DNAH12: variants seen among roughly 807,000 people sequenced by gnomAD.
The protein encoded by DNAH12 is axonemal beta dynein heavy chain 12.
DNAH12 carries 285 observed loss-of-function variants against 371.5 expected under a neutral mutation model. That is an observed-to-expected ratio of 0.77 (90% confidence interval 0.70 to 0.85). DNAH12 has a LOEUF of 0.85. Ranked by LOEUF, DNAH12 falls within the 40% of genes least tolerant of loss-of-function variation. The probability of loss-of-function intolerance (pLI) is 0.00; values close to 1 mark genes in which losing one functional copy is unlikely to be tolerated. For missense variants in DNAH12, 3,611 were observed against 3,689.4 expected (o/e 0.98, Z 0.55); for synonymous variants, 1,200 against 1,213.0 (o/e 0.99, Z 0.22).
At chr3:57,502,739 G>T (rs1025170286) in intron 9 of DNAH12, among the ~76,000 whole-genome samples, 1 of 152,082 alleles carries the variant, frequency 6.6e-6, no homozygotes, top group Non-Finnish European at 1.5e-5. Flanking sequence ...TAGAGACGGG[G>T]TTTCACCATG....
intron 11 of DNAH12, among the ~76,000 whole-genome samples, chr3:57,495,124 A>T (rs1324827861): frequency 6.6e-6 from 1 of 152,234 alleles, no homozygotes; most frequent in African/African-American, 2.4e-5. Flanking sequence ...AGAGTACCAA[A>T]ATATGTGAAA....
intron 62 of DNAH12, among the ~76,000 whole-genome samples, chr3:57,329,791 G>T (rs2062047208): frequency 6.6e-6 from 1 of 152,014 alleles, no homozygotes; most frequent in African/African-American, 2.4e-5. Context: ...CAAAATGGGA[G>T]AAAATTTTCG....
intron 72 of DNAH12, 28 bp from the exon 73 acceptor site, chr3:57,295,620 T>C (rs1160618760): frequency 1.3e-6 from 2 of 1,514,882 alleles, no homozygotes; most frequent in Non-Finnish European, 1.8e-6. Context: ...CAGAAATTAT[T>C]AGAAATAACA....
At chr3:57,474,745 T>A (rs1219101647) in intron 13 of DNAH12, among the ~76,000 whole-genome samples, 1 of 152,010 alleles carries the variant, frequency 6.6e-6, no homozygotes, top group Non-Finnish European at 1.5e-5. Flanking sequence ...GATCATGAGG[T>A]CAAGAGATGG....
rs1167877514 is a variant in DNAH12, at chr3:57,382,358, A to C, written c.7896T>G (p.Asn2632Lys). 1 of 152,168 alleles carries C rather than the reference A, an allele frequency of 6.6e-6. No individual in the cohort carries two copies. Among genetic ancestry groups the C allele is most frequent in the Non-Finnish European group, 1.5e-5 (1 of 68,028 alleles). The allele number at this position is 152,168 out of a possible 1,614,324, so 9.4% of individuals were successfully genotyped here. The change falls in exon 50 of 74, where the codon AAT becomes AAG. Residue 2632 changes from asparagine to lysine, a missense_variant. Physicochemically the swap from Asn to Lys is moderately conservative, Grantham distance 94. Around this residue, in one of 3 missense-constraint regions of DNAH12, gnomAD observed 2,266 missense variants for 2,236.9 expected, o/e 1.01. Coordinates refer to ENST00000495027, the MANE Select transcript of DNAH12 (RefSeq NM_001366028.2). ...ADITIVKSMK[N>K]PPSGVKLVMA... ...TAACTAGTTTAACACCAGATGGAGG[A>C]TTCTTCATTGATTTCACAATCGTAA...
chr3:57,425,236 G>T, intron 34 of DNAH12, 95 bp from the exon 35 acceptor site: 1 of 631,746 alleles, frequency 1.6e-6, no homozygotes, highest in South Asian at 1.9e-5. Flanking sequence ...AAGCATACAT[G>T]GTTTTAATAA....
chr3:57,341,247 C>T (rs1358396118), intron 60 of DNAH12, among the ~76,000 whole-genome samples: 2 of 151,942 alleles, frequency 1.3e-5, no homozygotes, highest in Non-Finnish European at 2.9e-5. Context: ...AAAGTCTTAG[C>T]CAGAGCAATT....
intron 73 of DNAH12, 88 bp from the exon 74 acceptor site, chr3:57,294,059 G>A: frequency 8.6e-7 from 1 of 1,156,452 alleles, no homozygotes; most frequent in African/African-American, 1.6e-5. Context: ...TAATAAAATG[G>A]CCAGAACTAA....
chr3:57,502,596 T>G lies in DNAH12; in HGVS notation c.1087-117A>C, dbSNP rs531975533. On this transcript the variant is annotated intron_variant, in intron 9 of 73. Coordinates refer to ENST00000495027, the MANE Select transcript of DNAH12 (RefSeq NM_001366028.2). Reference sequence around the variant, plus strand: ...ACGGAGTCTTGCTCTATCACCCAGGTTGGAGCGCATTGGTGCGATCTCGGC... The same window carrying G: ...ACGGAGTCTTGCTCTATCACCCAGGGTGGAGCGCATTGGTGCGATCTCGGC... The G allele has an allele frequency of 8.5e-6, 9 of 1,057,090 alleles. No individual in the cohort carries two copies. In the African/African-American group the frequency reaches 1.4e-4, roughly 17 times the overall value. 65.5% of individuals were successfully genotyped at this position (1,057,090 alleles called of 1,614,324 possible). A position where few individuals can be genotyped will look rare whatever the true frequency, so the allele number is the denominator to read the frequency against.
chr3:57,451,712 C>T (rs571239264), intron 25 of DNAH12, among the ~76,000 whole-genome samples: 24 of 152,232 alleles, frequency 1.6e-4, no homozygotes, highest in African/African-American at 5.5e-4. Flanking sequence ...CCGGAGAGCG[C>T]GCCTCACCCC....
chr3:57,449,504 TA>T (rs2065674281), intron 25 of DNAH12, among the ~76,000 whole-genome samples: 1 of 152,204 alleles, frequency 6.6e-6, no homozygotes, highest in South Asian at 2.1e-4. Context: ...GGAAGGCAGC[TA>T]AGGCCCGGTG....
intron 60 of DNAH12, among the ~76,000 whole-genome samples, chr3:57,350,496 G>T (rs115960083): frequency 0.014 from 2,113 of 152,206 alleles, 35 homozygotes; most frequent in African/African-American, 0.049. Flanking sequence ...TGTAAAATTT[G>T]ACATTTCCTT....
intron 71 of DNAH12, 38 bp from the exon 72 acceptor site, chr3:57,296,473 A>G (rs1448806423): frequency 1.4e-6 from 2 of 1,439,530 alleles, no homozygotes; most frequent in African/African-American, 2.8e-5. Context: ...GATCCTCTCC[A>G]GACAACTTCA....
chr3:57,424,853 T>C (rs1046034504), intron 35 of DNAH12, among the ~76,000 whole-genome samples, 169 bp downstream of exon 35: 34 of 152,204 alleles, frequency 2.2e-4, no homozygotes, highest in Non-Finnish European at 4.0e-4. Context: ...TAAAGTGTTT[T>C]TTATTATCAG....
In DNAH12 at chr3:57,468,933, C is replaced by T. The variant is rs2066283096; in HGVS notation, c.2152G>A (p.Ala718Thr). Residue 718 changes from alanine (A) to threonine (T), a missense_variant, in exon 17 of 74, where the codon GCT (alanine) becomes ACT (threonine). By Grantham distance (58) the Ala-to-Thr change is moderately conservative. Coordinates refer to ENST00000495027, the MANE Select transcript of DNAH12 (RefSeq NM_001366028.2). ...TCTCGGGAAAACTCTTCCACATCAG[C>T]CTCCATGCTTTCCCCATTGAGGTCC... ...FLDLNGESME[A>T]DVEEFSREIF... 2.0e-6 allele frequency: 3 copies of T among 1,514,122 alleles called. No individual in the cohort carries two copies. The highest frequency in any genetic ancestry group is 2.9e-5 in the African/African-American group (2 of 69,922). The allele number at this position is 1,514,122 out of a possible 1,614,324, so 93.8% of individuals were successfully genotyped here. A position where few individuals can be genotyped will look rare whatever the true frequency, so the allele number is the denominator to read the frequency against.
At chr3:57,467,415 C>A (rs1305303128) in intron 17 of DNAH12, among the ~76,000 whole-genome samples, 1 of 152,180 alleles carries the variant, frequency 6.6e-6, no homozygotes, top group Non-Finnish European at 1.5e-5. Flanking sequence ...AGACACCATG[C>A]CTGGCCTTGA....
chr3:57,420,102 T>C (rs1408389988), intron 36 of DNAH12, among the ~76,000 whole-genome samples: 2 of 152,236 alleles, frequency 1.3e-5, no homozygotes, highest in Non-Finnish European at 2.9e-5. Context: ...AGCATAGCTG[T>C]ATTAATTGTT....
intron 2 of DNAH12, chr3:57,530,497 T>C: frequency 2.7e-6 from 2 of 734,712 alleles, no homozygotes; most frequent in Non-Finnish European, 4.9e-6. Context: ...AGAAGACTGC[T>C]GATTTTGGCA....
chr3:57,372,444 T>TA (rs2063194920), intron 55 of DNAH12, among the ~76,000 whole-genome samples: 2 of 151,926 alleles, frequency 1.3e-5, no homozygotes, highest in Admixed American at 1.3e-4. Flanking sequence ...AAGGTAAACA[T>TA]AAGACTTTTT....
Sources: allele counts gnomAD v4.1 joint callset (sites outside exome capture counted in the v4.1 genomes callset), GRCh38; gene constraint gnomAD v4.1.1; regional missense constraint gnomAD v4.1.1; transcripts MANE v1.5; gene names NCBI Gene and HGNC (gene_info 2026-07-23, HGNC 2026-07-21).